The following BRCA2 variants were observed in gnomAD, a reference collection of about 807,000 sequenced individuals.
The protein encoded by BRCA2 is breast cancer type 2 susceptibility protein.
Under a neutral mutation model 276.7 loss-of-function variants are expected in BRCA2, and 203 were observed. That is an observed-to-expected ratio of 0.73 (90% CI 0.65 to 0.82). The LOEUF is 0.82. Among genes scored for constraint, BRCA2 ranks in the 40% least tolerant of loss-of-function variants. BRCA2 has a pLI of 0.00. For synonymous variants in BRCA2, 1,289 were observed against 1,338.4 expected (o/e 0.96, Z 0.81); for missense variants, 3,920 against 3,915.0 (o/e 1.00, Z -0.03).
intron 24 of BRCA2, among the ~76,000 whole-genome samples, chr13:32,387,930 A>G (rs977597325): frequency 3.4e-4 from 51 of 152,216 alleles, no homozygotes; most frequent in African/African-American, 2.9e-4. Context: ...CTTGTATGCA[A>G]TAAATATCAG....
rs542356535 is a variant in BRCA2 at position 32,399,018 on chromosome 13, T to C, written c.*248T>C. ...ATTAACTAATCAAGAAAAACATCTT[T>C]GGCTGAGCTCGGTGGCTCATGCCTG... On this transcript the variant is annotated 3_prime_UTR_variant, in exon 27 of 27. Coordinates refer to ENST00000380152, the MANE Select transcript of BRCA2 (RefSeq NM_000059.4). The C allele has an allele frequency of 4.9e-4, 223 of 456,630 alleles. 4 individuals are homozygous for C. In the South Asian group the frequency reaches 5.8e-3, roughly 12 times the overall value. 28.3% of individuals were successfully genotyped at this position (456,630 alleles called of 1,614,324 possible). A position where few individuals can be genotyped will look rare whatever the true frequency, so the allele number is the denominator to read the frequency against.
intron 2 of BRCA2, among the ~76,000 whole-genome samples, chr13:32,317,775 C>T (rs1593881604): frequency 6.6e-6 from 1 of 152,172 alleles, no homozygotes; most frequent in African/African-American, 2.4e-5. Context: ...AACTGTTTTC[C>T]TTGCAGCAAC....
At chr13:32,347,330 A>G (rs1283148952) in intron 13 of BRCA2, among the ~76,000 whole-genome samples, 1 of 152,216 alleles carries the variant, frequency 6.6e-6, no homozygotes, top group Non-Finnish European at 1.5e-5. Context: ...TAAAGGATTT[A>G]GTAAGCATGA....
intron 24 of BRCA2, among the ~76,000 whole-genome samples, chr13:32,394,154 A>G (rs1177698448): frequency 2.0e-5 from 3 of 152,184 alleles, no homozygotes; most frequent in Non-Finnish European, 2.9e-5. Context: ...GTGGTACACC[A>G]TTGTTTGGAT....
chr13:32,325,505 C>T (rs2072338094), intron 4 of BRCA2, among the ~76,000 whole-genome samples: 1 of 150,168 alleles, frequency 6.7e-6, no homozygotes, highest in East Asian at 1.9e-4. Context: ...GTGTACTTTT[C>T]ATCTTTGGAG....
intron 3 of BRCA2, among the ~76,000 whole-genome samples, chr13:32,324,725 C>T (rs1732435358): frequency 1.3e-5 from 2 of 152,120 alleles, no homozygotes; most frequent in African/African-American, 4.8e-5. Context: ...CTCCTGGGCT[C>T]AAGTGATCCT....
At chr13:32,362,483 A>C (rs9590939) in intron 16 of BRCA2, 40 bp from the exon 17 acceptor site, 3 of 1,567,874 alleles carry the variant, frequency 1.9e-6, no homozygotes, top group South Asian at 2.2e-5. Flanking sequence ...GTATCATCCT[A>C]TGTGGTTTTT....
At chr13:32,373,643 G>T (rs1468855822) in intron 20 of BRCA2, among the ~76,000 whole-genome samples, 1 of 152,218 alleles carries the variant, frequency 6.6e-6, no homozygotes, top group East Asian at 1.9e-4. Context: ...TAAGGGGTGG[G>T]CTCCCACGGC....
chr13:32,344,740 A>C (rs2137537890), intron 12 of BRCA2, 87 bp downstream of exon 12: 2 of 953,338 alleles, frequency 2.1e-6, no homozygotes, highest in Non-Finnish European at 3.3e-6. Context: ...CCTGCCTCTC[A>C]AAGTGCTGGG....
rs80359598 is a variant in BRCA2, at chr13:32,340,836, GACAA to G, written c.6486_6489del (p.Lys2162AsnfsTer5). 1.1e-5 allele frequency: 17 copies of G among 1,592,400 alleles called. No individual in the cohort carries two copies. Among genetic ancestry groups the G allele is most frequent in the South Asian group, 3.5e-5 (3 of 86,246 alleles). On this transcript the variant is annotated frameshift_variant, in exon 11 of 27. Coordinates refer to ENST00000380152, the MANE Select transcript of BRCA2 (RefSeq NM_000059.4). LOFTEE classifies it high-confidence loss of function. ...TCCATATCTCTCTCAATTTCAACAA[GACAA>G]ACAACAGTTGGTATTAGGAACCAAA...
At chr13:32,394,972 T>G in intron 25 of BRCA2, 39 bp downstream of exon 25, 2 of 1,612,252 alleles carry the variant, frequency 1.2e-6, no homozygotes, top group South Asian at 2.2e-5. Context: ...ATTTTGGTAT[T>G]TTTCTATTTT....
intron 4 of BRCA2, among the ~76,000 whole-genome samples, chr13:32,325,456 CAGTA>C (rs1306166233): frequency 6.6e-6 from 1 of 151,714 alleles, no homozygotes; most frequent in Non-Finnish European, 1.5e-5. Flanking sequence ...TGGTGAAAAG[CAGTA>C]AGTCAGTCCT....
chr13:32,392,789 ATTGT>A (rs1010691733), intron 24 of BRCA2, among the ~76,000 whole-genome samples: 1 of 152,074 alleles, frequency 6.6e-6, no homozygotes, highest in African/African-American at 2.4e-5. Flanking sequence ...TATTTGAAAA[ATTGT>A]TTGAGTTTAA....
intron 18 of BRCA2, among the ~76,000 whole-genome samples, chr13:32,368,050 C>T (rs1390381302): frequency 1.8e-5 from 2 of 111,108 alleles, no homozygotes; most frequent in Non-Finnish European, 3.4e-5. Flanking sequence ...GATGGAGTCT[C>T]GCACTGTCGC....
intron 18 of BRCA2, among the ~76,000 whole-genome samples, chr13:32,369,534 G>A (rs1160973042): frequency 6.6e-6 from 1 of 152,148 alleles, no homozygotes; most frequent in Non-Finnish European, 1.5e-5. Context: ...ATCGTTGTCT[G>A]TAAAATGGAG....
intron 15 of BRCA2, 23 bp from the exon 16 acceptor site, chr13:32,357,719 T>G: frequency 6.2e-7 from 1 of 1,601,294 alleles, no homozygotes; most frequent in Non-Finnish European, 8.5e-7. Context: ...TTTTTCTTTT[T>G]TGTGTGTGTT....
At position 32,340,796 on chromosome 13, in the gene BRCA2, C is replaced by G. The variant is rs80358879; in HGVS notation, c.6441C>G (p.His2147Gln). 5.6e-6 allele frequency: 9 copies of G among 1,593,960 alleles called. No individual in the cohort carries two copies. Among genetic ancestry groups the G allele is most frequent in the Non-Finnish European group, 7.7e-6 (9 of 1,174,002 alleles). Residue 2147 changes from histidine (H) to glutamine (Q), a missense_variant, in exon 11 of 27, where the codon CAC becomes CAG. Physicochemically the swap from His to Gln is conservative, Grantham distance 24. This residue lies in a region of BRCA2 where 3,263 missense variants were observed against 3,156.9 expected (regional missense o/e 1.03). Transcript: ENST00000380152. Reference sequence around the variant, plus strand: ...AAGGTGGTTCTTCAGAAAATAATCACTCTATTAAAGTTTCTCCATATCTCT... The same window carrying G: ...AAGGTGGTTCTTCAGAAAATAATCAGTCTATTAAAGTTTCTCCATATCTCT... The part of the protein sequence containing the change: ...NVEGGSSENN[H>Q]SIKVSPYLSQ...
At chr13:32,318,195 T>C (rs1234644944) in intron 2 of BRCA2, among the ~76,000 whole-genome samples, 1 of 152,212 alleles carries the variant, frequency 6.6e-6, no homozygotes, top group East Asian at 1.9e-4. Context: ...AGCATCATCT[T>C]TGCACTGTTG....
chr13:32,368,013 T>C (rs2072796861), intron 18 of BRCA2, among the ~76,000 whole-genome samples: 1 of 84,226 alleles, frequency 1.2e-5, no homozygotes, highest in Admixed American at 1.2e-4. Flanking sequence ...TTTTTTTTTT[T>C]TTTTTTTTTT....
Sources: allele counts gnomAD v4.1 joint callset (sites outside exome capture counted in the v4.1 genomes callset), GRCh38; gene constraint gnomAD v4.1.1; regional missense constraint gnomAD v4.1.1; transcripts MANE v1.5; gene names NCBI Gene and HGNC (gene_info 2026-07-23, HGNC 2026-07-21).